SLC29A3: variants seen among roughly 807,000 people sequenced by gnomAD.
SLC29A3 encodes the protein solute carrier family 29 member 3, also known as equilibrative nucleoside transporter 3.
Under a neutral mutation model 25.4 loss-of-function variants are expected in SLC29A3, and 18 were observed. That is an observed-to-expected ratio of 0.71 (90% CI 0.49 to 1.05). The LOEUF (loss-of-function observed/expected upper bound fraction) is 1.05, where lower values mean the gene tolerates loss of function less well. Among genes scored for constraint, SLC29A3 ranks in the 50% least tolerant of loss-of-function variants. The pLI, the probability that SLC29A3 is intolerant of heterozygous loss-of-function variation, is 0.00. For missense variants in SLC29A3, 586 were observed against 609.0 expected (o/e 0.96, Z 0.40); for synonymous variants, 258 against 267.1 (o/e 0.97, Z 0.33).
In SLC29A3 at chr10:71,319,593, G is replaced by A. The variant is rs1056185233; in HGVS notation, c.1+283G>A. 17 of 371,376 alleles carry A rather than the reference G, an allele frequency of 4.6e-5. 1 individual carries two copies. In the South Asian group the frequency reaches 5.6e-4, roughly 12 times the overall value. The allele number at this position is 371,376 out of a possible 1,614,324, so 23.0% of individuals were successfully genotyped here. On this transcript the variant is annotated intron_variant, in intron 1 of 5. Coordinates refer to ENST00000373189, the MANE Select transcript of SLC29A3 (RefSeq NM_018344.6). ...TATGGTGGGGGCCTGGTATGGACCC[G>A]TCGGCCCGAAGTATCCAGACGGTGG...
At chr10:71,344,631 A>G (rs2131828373) in intron 3 of SLC29A3, among the ~76,000 whole-genome samples, 1 of 152,228 alleles carries the variant, frequency 6.6e-6, no homozygotes, top group East Asian at 1.9e-4. Context: ...GGGTCACCTG[A>G]CTGTTCAGTG....
At chr10:71,349,376 G>A (rs1026568160) in intron 3 of SLC29A3, among the ~76,000 whole-genome samples, 1 of 152,108 alleles carries the variant, frequency 6.6e-6, no homozygotes, top group Non-Finnish European at 1.5e-5. Context: ...TACGCAACTG[G>A]CTAGATGGCA....
At chr10:71,333,922 GA>G (rs2131811630) in intron 2 of SLC29A3, among the ~76,000 whole-genome samples, 1 of 152,250 alleles carries the variant, frequency 6.6e-6, no homozygotes, top group South Asian at 2.1e-4. Context: ...GAGAGTACAT[GA>G]GGGGAATAAA....
At position 71,351,547 on chromosome 10, in the gene SLC29A3, G is replaced by A. The variant is rs1229300556; in HGVS notation, c.384-15G>A. On this transcript the variant is annotated splice_polypyrimidine_tract_variant and intron_variant, in intron 3 of 5. Coordinates refer to ENST00000373189, the MANE Select transcript of SLC29A3 (RefSeq NM_018344.6). ...CCGAAGGGGTGTCTAACTGCTTCTG[G>A]CATCCTCGCCCCAGGGTTGCAGTCC... 1.2e-6 allele frequency: 2 copies of A among 1,612,872 alleles called. No individual in the cohort carries two copies. The highest frequency in any genetic ancestry group is 1.7e-6 in the Non-Finnish European group (2 of 1,178,914).
chr10:71,372,386 G>T (rs921407165), intron 3 of SLC29A3, among the ~76,000 whole-genome samples: 7 of 152,192 alleles, frequency 4.6e-5, no homozygotes, highest in Non-Finnish European at 8.8e-5. Context: ...CTGACTCCAA[G>T]ACTCAAGTGC....
chr10:71,329,066 C>G (rs117389345), intron 2 of SLC29A3, among the ~76,000 whole-genome samples: 3,909 of 152,270 alleles, frequency 0.026, 80 homozygotes, highest in Non-Finnish European at 0.041. Context: ...GCAGCCTGTA[C>G]CCACCTCCCG....
intron 4 of SLC29A3, among the ~76,000 whole-genome samples, chr10:71,355,294 T>C (rs1197115368): frequency 6.6e-6 from 1 of 152,164 alleles, no homozygotes; most frequent in Non-Finnish European, 1.5e-5. Context: ...GGCACCCGAG[T>C]AGGTCGTGTG....
chr10:71,351,650 TC>T lies in SLC29A3; in HGVS notation c.474del (p.Ser159ProfsTer15), dbSNP rs1486901049. ...VITALVKVDT[S>X]SWTRGFFAVT... Reference sequence around the variant, plus strand: ...AACTGCACTGGTGAAGGTGGACACTTCCTCCTGGACCCGTGGCTTTTTTGCG... The same window carrying T: ...AACTGCACTGGTGAAGGTGGACACTTCTCCTGGACCCGTGGCTTTTTTGCG... On this transcript the variant is annotated frameshift_variant, in exon 4 of 6. Coordinates refer to ENST00000373189, the MANE Select transcript of SLC29A3 (RefSeq NM_018344.6). LOFTEE classifies it high-confidence loss of function. 1 of 1,614,168 alleles carries T rather than the reference TC, an allele frequency of 6.2e-7. No individual in the cohort carries two copies. The highest frequency in any genetic ancestry group is 1.1e-5 in the South Asian group (1 of 91,088).
intron 4 of SLC29A3, chr10:71,352,421 T>C (rs2131840138): frequency 6.5e-6 from 1 of 153,476 alleles, no homozygotes; most frequent in South Asian, 2.1e-4. Flanking sequence ...ATGGTCTGCC[T>C]ACAAAAGGCA....
intron 4 of SLC29A3, among the ~76,000 whole-genome samples, chr10:71,378,108 C>G (rs987126821): frequency 1.5e-5 from 2 of 131,790 alleles, no homozygotes; most frequent in African/African-American, 5.5e-5. Flanking sequence ...GGGGGGGGGT[C>G]CTCTTTTGGA....
At position 71,362,782 on chromosome 10, in the gene SLC29A3, G is replaced by A. The variant is rs115839185; in HGVS notation, c.*174G>A. The A allele has an allele frequency of 0.011, 8,448 of 777,552 alleles. 108 individuals carry two copies. The highest frequency in any genetic ancestry group is 0.043 in the African/African-American group (2,520 of 58,792). The allele number at this position is 777,552 out of a possible 1,614,324, so 48.2% of individuals were successfully genotyped here. ...AGTGAGCCACGTCCATGCCCATTCCGTGCAAGGCAGATATTCCAGTCATAT... is the reference window on the plus strand; with the variant it reads ...AGTGAGCCACGTCCATGCCCATTCCATGCAAGGCAGATATTCCAGTCATAT... On this transcript the variant is annotated 3_prime_UTR_variant, in exon 6 of 6. Coordinates refer to ENST00000373189, the MANE Select transcript of SLC29A3 (RefSeq NM_018344.6).
chr10:71,362,989 C>T lies in SLC29A3; in HGVS notation c.*381C>T, dbSNP rs1847109541. The T allele has an allele frequency of 2.1e-6, 1 of 472,938 alleles. No individual in the cohort carries two copies. Among genetic ancestry groups the T allele is most frequent in the African/African-American group, 2.0e-5 (1 of 50,978 alleles). The allele number at this position is 472,938 out of a possible 1,614,324, so 29.3% of individuals were successfully genotyped here. A position where few individuals can be genotyped will look rare whatever the true frequency, so the allele number is the denominator to read the frequency against. On this transcript the variant is annotated 3_prime_UTR_variant, in exon 6 of 6. Transcript: ENST00000373189. ...CCATGGGCTCTTTGCAACCTCCCAG[C>T]TGCGCTCATTCCAGCTGACAGCGAG...
chr10:71,376,789 A>G (rs1007831338), intron 4 of SLC29A3, among the ~76,000 whole-genome samples: 6 of 152,026 alleles, frequency 3.9e-5, no homozygotes, highest in Non-Finnish European at 7.4e-5. Flanking sequence ...TTTGAGATGG[A>G]GTCTCCCTTC....
chr10:71,341,256 AT>A (rs1333359222), intron 2 of SLC29A3, among the ~76,000 whole-genome samples: 4 of 152,112 alleles, frequency 2.6e-5, no homozygotes, highest in Non-Finnish European at 4.4e-5. Context: ...AGTGGCAGTG[AT>A]TTTATGACCA....
chr10:71,338,862 G>A (rs1173261048), intron 2 of SLC29A3, among the ~76,000 whole-genome samples: 15 of 152,234 alleles, frequency 9.9e-5, no homozygotes, highest in Admixed American at 9.8e-4. Flanking sequence ...TGAGAGGAAC[G>A]TGTCTCACAT....
At chr10:71,321,315 T>A (rs77779869) in intron 1 of SLC29A3, among the ~76,000 whole-genome samples, 5,567 of 152,188 alleles carry the variant, frequency 0.037, 131 homozygotes, top group Middle Eastern at 0.092. Context: ...GGTGTTCCCA[T>A]CCCACCAGGG....
intron 5 of SLC29A3, among the ~76,000 whole-genome samples, chr10:71,360,993 A>G (rs1370387430): frequency 6.6e-6 from 1 of 152,238 alleles, no homozygotes; most frequent in African/African-American, 2.4e-5. Flanking sequence ...TATTATTTAC[A>G]GATATTGTAT....
At chr10:71,342,688 C>T (rs887047801) in intron 2 of SLC29A3, among the ~76,000 whole-genome samples, 1 of 152,214 alleles carries the variant, frequency 6.6e-6, no homozygotes, top group African/African-American at 2.4e-5. Context: ...ACTCAGTGTC[C>T]TCCCAGCCTC....
At chr10:71,351,405 G>T (rs1174047706) in intron 3 of SLC29A3, among the ~76,000 whole-genome samples, 157 bp from the exon 4 acceptor site, 1 of 152,220 alleles carries the variant, frequency 6.6e-6, no homozygotes, top group African/African-American at 2.4e-5. Flanking sequence ...CACAGCTAGG[G>T]AGCCGGGAAG....
Sources: allele counts gnomAD v4.1 joint callset (sites outside exome capture counted in the v4.1 genomes callset), GRCh38; gene constraint gnomAD v4.1.1; transcripts MANE v1.5; gene names NCBI Gene and HGNC (gene_info 2026-07-23, HGNC 2026-07-21).